The following PPP4R3B variants were observed in gnomAD, a reference collection of about 807,000 sequenced individuals.
The protein encoded by PPP4R3B is protein phosphatase 4 regulatory subunit 3B, also known as serine/threonine-protein phosphatase 4 regulatory subunit 3B.
PPP4R3B carries 52 observed loss-of-function variants against 95.4 expected under a neutral mutation model. That is an observed-to-expected ratio of 0.54 (90% CI 0.44 to 0.69). The LOEUF (loss-of-function observed/expected upper bound fraction) is 0.69, where lower values mean the gene tolerates loss of function less well. Among genes scored for constraint, PPP4R3B ranks in the 30% least tolerant of loss-of-function variants. The pLI, the probability that PPP4R3B is intolerant of heterozygous loss-of-function variation, is 0.00. For synonymous variants in PPP4R3B, 407 were observed against 343.9 expected (o/e 1.18, Z -2.03); for missense variants, 1,003 against 1,005.9 (o/e 1.00, Z 0.04).
At chr2:55,576,533 G>C (rs1489436717) in intron 11 of PPP4R3B, among the ~76,000 whole-genome samples, 1 of 152,022 alleles carries the variant, frequency 6.6e-6, no homozygotes, top group African/African-American at 2.4e-5. Context: ...ACGAGGTCAG[G>C]AGATCGAGAC....
At chr2:55,562,823 T>C (rs971525982) in intron 15 of PPP4R3B, among the ~76,000 whole-genome samples, 5 of 152,216 alleles carry the variant, frequency 3.3e-5, no homozygotes, top group African/African-American at 1.2e-4. Context: ...CTTCCTTTTA[T>C]TGTCTCCCTG....
At chr2:55,553,679 C>G (rs1475869782) in intron 16 of PPP4R3B, among the ~76,000 whole-genome samples, 2 of 151,986 alleles carry the variant, frequency 1.3e-5, no homozygotes, top group African/African-American at 2.4e-5. Flanking sequence ...TTATTCTGGA[C>G]AGTTCATATA....
At chr2:55,609,667 CAAAAAAAAA>C (rs58617547) in intron 2 of PPP4R3B, among the ~76,000 whole-genome samples, 1 of 103,518 alleles carries the variant, frequency 9.7e-6, no homozygotes, top group African/African-American at 3.8e-5. Flanking sequence ...GACTGTGTCT[CAAAAAAAAA>C]AAAAACAAAA....
intron 12 of PPP4R3B, among the ~76,000 whole-genome samples, chr2:55,569,305 C>G (rs201330795): frequency 2.6e-5 from 4 of 152,010 alleles, no homozygotes; most frequent in African/African-American, 9.7e-5. Flanking sequence ...CTTAGCAGAC[C>G]GGGAAAGGGA....
chr2:55,551,625 C>T (rs1685253272), intron 16 of PPP4R3B, among the ~76,000 whole-genome samples: 3 of 151,920 alleles, frequency 2.0e-5, no homozygotes, highest in Non-Finnish European at 4.4e-5. Context: ...GTGGCGCATG[C>T]CTGTAATCCC....
chr2:55,608,742 T>C (rs753786298), intron 2 of PPP4R3B, among the ~76,000 whole-genome samples: 5 of 152,198 alleles, frequency 3.3e-5, no homozygotes, highest in East Asian at 1.9e-4. Flanking sequence ...CCCAGCACTT[T>C]TGGAGCCCAA....
At position 55,548,053 on chromosome 2, in the gene PPP4R3B, TTAAAA is replaced by T. The variant is rs1684893793; in HGVS notation, c.*1853_*1857del. 1 of 152,228 alleles carries T rather than the reference TTAAAA, an allele frequency of 6.6e-6. No individual in the cohort carries two copies. The highest frequency in any genetic ancestry group is 2.1e-4 in the South Asian group (1 of 4,828). 9.4% of individuals were successfully genotyped at this position (152,228 alleles called of 1,614,324 possible). A position where few individuals can be genotyped will look rare whatever the true frequency, so the allele number is the denominator to read the frequency against. ...GGATGGGAACTTTACTGATCTTAGT[TTAAAA>T]TATCCTGAGTCACCTGCCTTATGAG... On this transcript the variant is annotated 3_prime_UTR_variant, in exon 17 of 17. Transcript: ENST00000616407.
intron 16 of PPP4R3B, among the ~76,000 whole-genome samples, chr2:55,556,633 A>T (rs1365798060): frequency 3.7e-5 from 4 of 107,708 alleles, no homozygotes; most frequent in Non-Finnish European, 6.9e-5. Flanking sequence ...ACTTTGATTT[A>T]AAAAAAAAAA....
At position 55,578,235 on chromosome 2, in the gene PPP4R3B, A is replaced by T; in HGVS notation, c.1564+12T>A. The T allele has an allele frequency of 7.1e-7, 1 of 1,411,632 alleles. No homozygotes were observed. Among genetic ancestry groups the T allele is most frequent in the Admixed American group, 2.8e-5 (1 of 35,182 alleles). 87.4% of individuals were successfully genotyped at this position (1,411,632 alleles called of 1,614,324 possible). ...GTAAATATAGGAGTGATACACTCCA[A>T]ATTCAGCATACCTTGAGAGATGGAG... is the stretch of plus-strand genomic sequence containing the variant. On this transcript the variant is annotated intron_variant, in intron 10 of 16. Coordinates refer to ENST00000616407, the MANE Select transcript of PPP4R3B (RefSeq NM_001122964.3).
intron 5 of PPP4R3B, among the ~76,000 whole-genome samples, chr2:55,587,519 G>A (rs957314238): frequency 5.3e-5 from 8 of 152,208 alleles, no homozygotes; most frequent in African/African-American, 1.9e-4. Context: ...AGGAGGCGGA[G>A]GTTGCAGTGA....
Position 55,577,497 on chromosome 2 carries a change from C to T in PPP4R3B, c.1565-141G>A. ...AATAACCATAAAGACTTGGTTGCTT[C>T]AGCAAAATTATAACTATATCTGCAA... is the stretch of plus-strand genomic sequence containing the variant. On this transcript the variant is annotated intron_variant, in intron 10 of 16. Coordinates refer to ENST00000616407, the MANE Select transcript of PPP4R3B (RefSeq NM_001122964.3). 3 of 909,372 alleles carry T rather than the reference C, an allele frequency of 3.3e-6. No individual in the cohort carries two copies. The Admixed American group carries it at 1.4e-4, about 43-fold the overall frequency. 56.3% of individuals were successfully genotyped at this position (909,372 alleles called of 1,614,324 possible). A position where few individuals can be genotyped will look rare whatever the true frequency, so the allele number is the denominator to read the frequency against.
chr2:55,587,015 T>G (rs1460284303), intron 5 of PPP4R3B, among the ~76,000 whole-genome samples: 2 of 152,316 alleles, frequency 1.3e-5, no homozygotes, highest in South Asian at 2.1e-4. Context: ...CTTTTTTCCT[T>G]TTTTTTCCAG....
chr2:55,556,778 A>G (rs983493658), intron 16 of PPP4R3B, among the ~76,000 whole-genome samples: 2 of 152,170 alleles, frequency 1.3e-5, no homozygotes, highest in East Asian at 3.9e-4. Context: ...TTAAAACAAG[A>G]AAGTCGGCCG....
intron 2 of PPP4R3B, among the ~76,000 whole-genome samples, chr2:55,609,349 A>C (rs1693852369): frequency 6.6e-6 from 1 of 152,134 alleles, no homozygotes; most frequent in Non-Finnish European, 1.5e-5. Context: ...TCCTGCCGGA[A>C]AGTCTCACCC....
At chr2:55,585,844 T>C (rs1259542358) in intron 6 of PPP4R3B, among the ~76,000 whole-genome samples, 3 of 152,124 alleles carry the variant, frequency 2.0e-5, no homozygotes, top group Non-Finnish European at 4.4e-5. Context: ...TCAGGAAGTA[T>C]ACAAGATTAA....
intron 11 of PPP4R3B, 107 bp from the exon 12 acceptor site, chr2:55,573,884 T>G: frequency 1.7e-5 from 7 of 419,620 alleles, no homozygotes; most frequent in Non-Finnish European, 2.2e-5. Context: ...CTGTATTTCC[T>G]CCTTTTTTTT....
At chr2:55,607,423 T>C (rs1693571992) in intron 2 of PPP4R3B, among the ~76,000 whole-genome samples, 1 of 152,176 alleles carries the variant, frequency 6.6e-6, no homozygotes, top group African/African-American at 2.4e-5. Context: ...CATGACTCCC[T>C]CCTTGGATTT....
At chr2:55,581,002 C>T (rs1689370603) in intron 8 of PPP4R3B, among the ~76,000 whole-genome samples, 1 of 152,102 alleles carries the variant, frequency 6.6e-6, no homozygotes, top group Non-Finnish European at 1.5e-5. Flanking sequence ...CCTGTAATCC[C>T]AGCACTTTGG....
Position 55,617,075 on chromosome 2 carries a change from G to A in PPP4R3B, c.142+69C>T, listed in dbSNP as rs1232994307. ...AGGAGTAGCAACGGTAACGGGCCCA[G>A]GGCCCTAAACCCAAGCTGTGCCCCA... On this transcript the variant is annotated intron_variant, in intron 1 of 16. Transcript: ENST00000616407. 3.3e-6 allele frequency: 5 copies of A among 1,502,310 alleles called. No homozygotes were observed. In the South Asian group the frequency reaches 4.0e-5, roughly 12 times the overall value. 93.1% of individuals were successfully genotyped at this position (1,502,310 alleles called of 1,614,324 possible). A position where few individuals can be genotyped will look rare whatever the true frequency, so the allele number is the denominator to read the frequency against.
Sources: allele counts gnomAD v4.1 joint callset (sites outside exome capture counted in the v4.1 genomes callset), GRCh38; gene constraint gnomAD v4.1.1; transcripts MANE v1.5; gene names NCBI Gene and HGNC (gene_info 2026-07-23, HGNC 2026-07-21).